The following MYO5A variants were observed in gnomAD, a reference collection of about 807,000 sequenced individuals.
The protein encoded by MYO5A is unconventional myosin-Va.
In MYO5A, 98 loss-of-function variants were observed where a neutral mutation model predicts 249.7. The observed-to-expected ratio is 0.39, with a 90% CI of 0.33 to 0.46. The LOEUF is 0.46. MYO5A is among the 20% of genes least tolerant of loss of function. MYO5A has a pLI of 0.98. For synonymous variants in MYO5A, 778 were observed against 810.6 expected (o/e 0.96, Z 0.68); for missense variants, 1,696 against 2,308.8 (o/e 0.73, Z 5.44).
intron 1 of MYO5A, among the ~76,000 whole-genome samples, chr15:52,453,170 A>C (rs1384878905): frequency 6.6e-6 from 1 of 152,188 alleles, no homozygotes; most frequent in Non-Finnish European, 1.5e-5. Context: ...GAGGGTCCTA[A>C]AAGTAGCAAG....
At chr15:52,439,806 T>C (rs1400950440) in intron 1 of MYO5A, among the ~76,000 whole-genome samples, 3 of 152,070 alleles carry the variant, frequency 2.0e-5, no homozygotes, top group African/African-American at 7.2e-5. Context: ...TTTGAGGTAT[T>C]GGGATTAAAG....
At chr15:52,359,139 A>G (rs1016608793) in intron 25 of MYO5A, among the ~76,000 whole-genome samples, 13 of 152,258 alleles carry the variant, frequency 8.5e-5, no homozygotes, top group African/African-American at 2.2e-4. Context: ...AATTAACAGA[A>G]TGAGATGGCA....
At chr15:52,505,063 A>C in intron 1 of MYO5A, 3 of 537,788 alleles carry the variant, frequency 5.6e-6, no homozygotes, top group African/African-American at 1.9e-5. Context: ...GGAGGTAGGA[A>C]TTTAAGACAG....
At chr15:52,406,025 C>T (rs551797541) in intron 8 of MYO5A, among the ~76,000 whole-genome samples, 2 of 152,232 alleles carry the variant, frequency 1.3e-5, no homozygotes, top group Admixed American at 1.3e-4. Context: ...GATGAGTATG[C>T]GTCCAAATAC....
At chr15:52,346,233 T>G in intron 30 of MYO5A, 128 bp downstream of exon 30, 1 of 670,562 alleles carries the variant, frequency 1.5e-6, no homozygotes, top group Non-Finnish European at 2.7e-6. Flanking sequence ...AACCTTGGAT[T>G]CCCTTTGAAG....
intron 1 of MYO5A, among the ~76,000 whole-genome samples, chr15:52,493,946 A>G (rs751563173): frequency 3.9e-5 from 6 of 152,244 alleles, no homozygotes; most frequent in Non-Finnish European, 8.8e-5. Context: ...TTTAGCTTGT[A>G]TCATACAAGA....
chr15:52,514,975 C>A (rs1185554034), intron 1 of MYO5A, among the ~76,000 whole-genome samples: 1 of 152,022 alleles, frequency 6.6e-6, no homozygotes, highest in Non-Finnish European at 1.5e-5. Flanking sequence ...GTTTGAGGAA[C>A]CAGGAAAGAA....
intron 1 of MYO5A, among the ~76,000 whole-genome samples, chr15:52,454,107 G>A (rs1234221454): frequency 1.3e-5 from 2 of 152,072 alleles, no homozygotes; most frequent in Non-Finnish European, 2.9e-5. Flanking sequence ...ACTATCTGTT[G>A]TCCCTAGGAA....
intron 1 of MYO5A, among the ~76,000 whole-genome samples, chr15:52,523,488 G>A (rs904408502): frequency 6.6e-6 from 1 of 152,180 alleles, no homozygotes; most frequent in Non-Finnish European, 1.5e-5. Flanking sequence ...ACTGGGCTAG[G>A]CTCTACAGGA....
Position 52,472,516 on chromosome 15 carries a change from G to A in MYO5A, c.28-39231C>T, listed in dbSNP as rs187960671. On this transcript the variant is annotated intron_variant, in intron 1 of 41. Transcript: ENST00000399233. ...CCCATTAACTTGTCATTTACATTAG[G>A]TATATCTCCTAATGCTATCCCTCCC... Among the ~76,000 whole-genome samples, 143 of 152,040 alleles carry A rather than the reference G, an allele frequency of 9.4e-4. 1 individual carries two copies. The highest frequency in any genetic ancestry group is 1.8e-3 in the Non-Finnish European group (122 of 68,000).
At chr15:52,358,323 A>G (rs1054552476) in intron 25 of MYO5A, among the ~76,000 whole-genome samples, 2 of 152,192 alleles carry the variant, frequency 1.3e-5, no homozygotes, top group Non-Finnish European at 2.9e-5. Context: ...ATTGCAAGTG[A>G]GTACTCCCAC....
intron 1 of MYO5A, among the ~76,000 whole-genome samples, chr15:52,450,885 T>C (rs1053085484): frequency 1.5e-5 from 2 of 135,484 alleles, no homozygotes; most frequent in Non-Finnish European, 3.1e-5. Flanking sequence ...TCTCACTCTG[T>C]TGCCCAGGCT....
At chr15:52,405,426 A>G (rs2042962313) in intron 8 of MYO5A, 33 bp from the exon 9 acceptor site, 2 of 1,466,176 alleles carry the variant, frequency 1.4e-6, no homozygotes, top group Middle Eastern at 1.7e-4. Context: ...CAAGTGATTA[A>G]TTTCAGAATA....
intron 1 of MYO5A, among the ~76,000 whole-genome samples, chr15:52,438,474 GGCAAGGGAAAGCC>G (rs1363428515): frequency 3.3e-5 from 5 of 152,170 alleles, no homozygotes; most frequent in Non-Finnish European, 5.9e-5. Flanking sequence ...GCCCCAGCAA[GGCAAGGGAAAGCC>G]CCTGTTGAGA....
chr15:52,481,617 G>A (rs1364269113), intron 1 of MYO5A, among the ~76,000 whole-genome samples: 1 of 152,200 alleles, frequency 6.6e-6, no homozygotes, highest in Non-Finnish European at 1.5e-5. Flanking sequence ...TCCTAAAGGA[G>A]GGGGACATGG....
chr15:52,351,629 C>A lies in MYO5A; in HGVS notation c.3622-148G>T, dbSNP rs184949457. The A allele has an allele frequency of 1.1e-3, 863 of 755,176 alleles. 1 individual carries two copies. Among genetic ancestry groups the A allele is most frequent in the Middle Eastern group, 2.2e-3 (6 of 2,702 alleles). 46.8% of individuals were successfully genotyped at this position (755,176 alleles called of 1,614,324 possible). On this transcript the variant is annotated intron_variant, in intron 27 of 41. Coordinates refer to ENST00000399233, the MANE Select transcript of MYO5A (RefSeq NM_001382347.1). The stretch of plus-strand genomic sequence containing the variant: ...ATGGCTTCCTAGGTTCTGCCAGGAG[C>A]CCTGCTTTGCAAATTAAGGAAGTCT...
chr15:52,497,356 A>G (rs970770455), intron 1 of MYO5A, among the ~76,000 whole-genome samples: 4 of 152,152 alleles, frequency 2.6e-5, no homozygotes, highest in African/African-American at 9.7e-5. Flanking sequence ...GCAGATATTC[A>G]TTGTTCACAG....
At chr15:52,380,182 T>A (rs568489189) in intron 16 of MYO5A, among the ~76,000 whole-genome samples, 25 of 152,264 alleles carry the variant, frequency 1.6e-4, no homozygotes, top group African/African-American at 5.8e-4. Context: ...ACACCTATAA[T>A]CCCAGAATTT....
chr15:52,364,734 GA>G, intron 23 of MYO5A, 32 bp from the exon 24 acceptor site: 1 of 1,611,050 alleles, frequency 6.2e-7, no homozygotes, highest in Non-Finnish European at 8.5e-7. Flanking sequence ...GCATACTAAA[GA>G]TGGCCCCTTG....
Sources: allele counts gnomAD v4.1 joint callset (sites outside exome capture counted in the v4.1 genomes callset), GRCh38; gene constraint gnomAD v4.1.1; transcripts MANE v1.5; gene names NCBI Gene and HGNC (gene_info 2026-07-23, HGNC 2026-07-21).